ALCAM: variants seen among roughly 807,000 people sequenced by gnomAD.
ALCAM encodes the protein activated leukocyte cell adhesion molecule.
A neutral mutation model predicts 70.9 loss-of-function variants in ALCAM; 30 were observed. The ratio of observed to expected loss-of-function variants is 0.42; its 90% CI spans 0.32 to 0.57. The LOEUF (loss-of-function observed/expected upper bound fraction) is 0.57. Ranked by LOEUF, ALCAM falls within the 20% of genes least tolerant of loss-of-function variation. ALCAM has a pLI of 0.11. For synonymous variants in ALCAM, 249 were observed against 242.5 expected, an observed-to-expected ratio of 1.03 and a Z score of -0.25; for missense variants, 591 against 695.1, an observed-to-expected ratio of 0.85 and a Z score of 1.68.
chr3:105,467,959 T>C (rs1203610709), intron 1 of ALCAM, among the ~76,000 whole-genome samples: 1 of 151,232 alleles, frequency 6.6e-6, no homozygotes, highest in Non-Finnish European at 1.5e-5. Context: ...GGAATCAGAT[T>C]TGAGGAATCC....
chr3:105,415,914 G>A (rs1320056570), intron 1 of ALCAM, among the ~76,000 whole-genome samples: 1 of 151,996 alleles, frequency 6.6e-6, no homozygotes, highest in Non-Finnish European at 1.5e-5. Context: ...TTATTATTTT[G>A]TTTTTGGCTT....
intron 3 of ALCAM, chr3:105,525,398 C>A (rs940689742): frequency 1.0e-6 from 1 of 962,164 alleles, no homozygotes; most frequent in East Asian, 1.1e-4. Flanking sequence ...TAAAAAGTCC[C>A]GCCTCTATTA....
intron 14 of ALCAM, among the ~76,000 whole-genome samples, chr3:105,569,220 A>G (rs1451646375): frequency 2.0e-5 from 3 of 152,110 alleles, no homozygotes; most frequent in Non-Finnish European, 4.4e-5. Flanking sequence ...AACAGACAAA[A>G]AGAGAAAGCA....
chr3:105,464,005 C>T (rs1039512396), intron 1 of ALCAM, among the ~76,000 whole-genome samples: 1 of 151,372 alleles, frequency 6.6e-6, no homozygotes, highest in African/African-American at 2.4e-5. Context: ...AAATATGCAA[C>T]TTGTTATTTC....
intron 13 of ALCAM, 38 bp from the exon 14 acceptor site, chr3:105,552,430 T>G (rs1377786423): frequency 6.3e-7 from 1 of 1,583,170 alleles, no homozygotes; most frequent in Non-Finnish European, 8.7e-7. Context: ...ATCCTTGGCA[T>G]TGTCTGTAAT....
chr3:105,523,699 A>G (rs1939614519), intron 2 of ALCAM, among the ~76,000 whole-genome samples: 1 of 152,186 alleles, frequency 6.6e-6, no homozygotes, highest in African/African-American at 2.4e-5. Context: ...ACTCAGCAAA[A>G]CTATGGGTTG....
rs1939851400 is a variant in ALCAM, at chr3:105,532,013, A to C, written c.406A>C (p.Lys136Gln). ...CTGCTTAACTTTAGAGCAACCATCT[A>C]AACCTGAAATTGTAAGCAAAGCACT... ...TIVKVFKQPS[K>Q]PEIVSKALFL... The change falls in exon 4 of 16, where the codon AAA (lysine) becomes CAA (glutamine). Residue 136 changes from lysine (K) to glutamine (Q), a missense_variant. This residue lies in a region of ALCAM where 427 missense variants were observed against 450.4 expected (regional missense o/e 0.95). Coordinates refer to ENST00000306107, the MANE Select transcript of ALCAM (RefSeq NM_001627.4). The C allele has an allele frequency of 6.2e-7, 1 of 1,613,256 alleles. No homozygotes were observed. The highest frequency in any genetic ancestry group is 1.1e-5 in the South Asian group (1 of 91,050).
intron 1 of ALCAM, among the ~76,000 whole-genome samples, chr3:105,497,002 A>C (rs974522743): frequency 2.0e-5 from 3 of 152,128 alleles, no homozygotes; most frequent in African/African-American, 7.2e-5. Flanking sequence ...CATTCTAACT[A>C]TTCTTAGCAG....
At chr3:105,380,831 G>A (rs1001353951) in intron 1 of ALCAM, among the ~76,000 whole-genome samples, 4 of 151,796 alleles carry the variant, frequency 2.6e-5, no homozygotes, top group Middle Eastern at 3.2e-3. Context: ...CTGTCACGAC[G>A]GCCATACTGG....
chr3:105,524,682 A>T, intron 3 of ALCAM, 174 bp downstream of exon 3: 1 of 1,332,514 alleles, frequency 7.5e-7, no homozygotes. Flanking sequence ...GAAAACAAAG[A>T]GTATGAAATT....
intron 1 of ALCAM, among the ~76,000 whole-genome samples, chr3:105,369,846 G>A (rs879572502): frequency 2.0e-5 from 3 of 152,080 alleles, no homozygotes; most frequent in East Asian, 3.8e-4. Context: ...TTGAAAGGAG[G>A]AGAAAAATAT....
intron 1 of ALCAM, among the ~76,000 whole-genome samples, chr3:105,419,036 A>T (rs1936577599): frequency 6.6e-6 from 1 of 151,764 alleles, no homozygotes; most frequent in African/African-American, 2.4e-5. Flanking sequence ...TTGCCTCCAG[A>T]TACAACTGCA....
chr3:105,515,194 T>C (rs1939349139), intron 1 of ALCAM, among the ~76,000 whole-genome samples: 1 of 152,016 alleles, frequency 6.6e-6, no homozygotes, highest in South Asian at 2.1e-4. Context: ...GATTGAATCA[T>C]AAAATCTCAG....
chr3:105,519,247 T>C (rs1235855646), intron 1 of ALCAM, among the ~76,000 whole-genome samples: 2 of 152,186 alleles, frequency 1.3e-5, no homozygotes, highest in Non-Finnish European at 2.9e-5. Context: ...TATATCCAGA[T>C]TTGAATAATG....
At chr3:105,404,346 T>G (rs1180433849) in intron 1 of ALCAM, among the ~76,000 whole-genome samples, 1 of 152,132 alleles carries the variant, frequency 6.6e-6, no homozygotes, top group African/African-American at 2.4e-5. Flanking sequence ...AAGCATCAGG[T>G]AACCTACAAA....
intron 1 of ALCAM, among the ~76,000 whole-genome samples, chr3:105,509,780 T>C (rs996815895): frequency 1.3e-5 from 2 of 152,106 alleles, no homozygotes; most frequent in African/African-American, 2.4e-5. Flanking sequence ...TGGTGTCTTA[T>C]CCAAAAAAAT....
Position 105,521,591 on chromosome 3 carries a change from G to A in ALCAM, c.174+1424G>A, listed in dbSNP as rs187600173. Among the ~76,000 whole-genome samples the A allele has an allele frequency of 2.5e-3, 386 of 152,240 alleles. 2 individuals carry two copies. The highest frequency in any genetic ancestry group is 4.4e-3 in the Non-Finnish European group (301 of 68,026). On this transcript the variant is annotated intron_variant, in intron 2 of 15. Transcript: ENST00000306107. ...CAATGTGCTCACTGTGAGATTCTGG[G>A]CAGAGGAATTAATCCCTATTTTTTC...
Position 105,368,525 on chromosome 3 carries a change from T to G in ALCAM, c.73+1044T>G, listed in dbSNP as rs114021678. On this transcript the variant is annotated intron_variant, in intron 1 of 15. Transcript: ENST00000306107. ...AGACAGTTGCCAGTTAAACTCCTAC[T>G]TCCTGGTATTTTGGCCTGTTTGTTC... Among the ~76,000 whole-genome samples the G allele has an allele frequency of 8.7e-3, 1,321 of 152,218 alleles. 18 individuals are homozygous for G. The highest frequency in any genetic ancestry group is 0.029 in the African/African-American group (1,218 of 41,522).
At chr3:105,473,892 T>C (rs1011343688) in intron 1 of ALCAM, among the ~76,000 whole-genome samples, 30 of 151,644 alleles carry the variant, frequency 2.0e-4, no homozygotes, top group African/African-American at 7.2e-4. Flanking sequence ...TTTTGTTTTT[T>C]TTTTTAAAGT....
Sources: gnomAD v4.1 joint callset for allele counts (sites outside exome capture counted in the v4.1 genomes callset) on GRCh38, gnomAD v4.1.1 for gene constraint, gnomAD v4.1.1 regional missense constraint, MANE v1.5 for transcripts, NCBI Gene and HGNC (gene_info 2026-07-23, HGNC 2026-07-21) for gene names.